SBF2: variants seen among roughly 807,000 people sequenced by gnomAD.
SBF2 encodes myotubularin-related protein 13.
SBF2 carries 112 observed loss-of-function variants against 225.2 expected under a neutral mutation model. The observed-to-expected ratio is 0.50, with a 90% CI of 0.43 to 0.58. The LOEUF is 0.58. Among genes scored for constraint, SBF2 ranks in the 20% least tolerant of loss-of-function variants. The pLI is 0.00. For synonymous variants in SBF2, 763 were observed against 773.3 expected, an observed-to-expected ratio of 0.99 and a Z score of 0.22; for missense variants, 1,996 against 2,206.2, an observed-to-expected ratio of 0.90 and a Z score of 1.91.
At chr11:10,146,877 T>A (rs1377189918) in intron 2 of SBF2, among the ~76,000 whole-genome samples, 1 of 151,352 alleles carries the variant, frequency 6.6e-6, no homozygotes, top group Non-Finnish European at 1.5e-5. Context: ...CAAGAAAAAA[T>A]AACCCCATTA....
intron 2 of SBF2, among the ~76,000 whole-genome samples, chr11:10,087,900 G>T (rs978818979): frequency 6.6e-6 from 1 of 152,038 alleles, no homozygotes; most frequent in Non-Finnish European, 1.5e-5. Context: ...TTTGATTCCT[G>T]GCTGCCAAAG....
intron 1 of SBF2, among the ~76,000 whole-genome samples, chr11:10,207,174 AG>A (rs1344385910): frequency 6.6e-6 from 1 of 152,154 alleles, no homozygotes; most frequent in African/African-American, 2.4e-5. Flanking sequence ...GAAGGACAGA[AG>A]AAAGCAGCAC....
intron 6 of SBF2, among the ~76,000 whole-genome samples, chr11:10,024,481 C>T (rs141877304): frequency 1.6e-4 from 25 of 152,288 alleles, no homozygotes; most frequent in African/African-American, 6.0e-4. Flanking sequence ...TCCCACTTCT[C>T]GCCAAGGTTG....
intron 2 of SBF2, among the ~76,000 whole-genome samples, chr11:10,076,860 T>C (rs1951139732): frequency 6.6e-6 from 1 of 152,210 alleles, no homozygotes; most frequent in Non-Finnish European, 1.5e-5. Context: ...TGCTTGGTGT[T>C]GGGGATGCCG....
chr11:10,093,067 AGGGCAG>A (rs1951849068), intron 2 of SBF2, among the ~76,000 whole-genome samples: 1 of 150,056 alleles, frequency 6.7e-6, no homozygotes, highest in East Asian at 1.9e-4. Context: ...CCCAGGCTGG[AGGGCAG>A]TGGCATGAAC....
intron 6 of SBF2, among the ~76,000 whole-genome samples, chr11:10,019,991 A>G (rs1156261856): frequency 1.3e-5 from 2 of 152,136 alleles, no homozygotes; most frequent in Non-Finnish European, 2.9e-5. Context: ...GTTATAGTAG[A>G]TATTCAGACA....
intron 17 of SBF2, among the ~76,000 whole-genome samples, chr11:9,883,480 G>A (rs1298780978): frequency 6.6e-6 from 1 of 152,284 alleles, no homozygotes; most frequent in Middle Eastern, 3.4e-3. Flanking sequence ...TAAGGGAATA[G>A]GTTCTGAAAT....
intron 6 of SBF2, among the ~76,000 whole-genome samples, chr11:10,009,264 T>A (rs1408443049): frequency 6.6e-6 from 1 of 152,198 alleles, no homozygotes; most frequent in African/African-American, 2.4e-5. Context: ...TTCTATATAT[T>A]TTTATTTATT....
chr11:10,295,143 T>G (rs1234216499), upstream of SBF2, among the ~76,000 whole-genome samples: 6 of 152,270 alleles, frequency 3.9e-5, no homozygotes, highest in Admixed American at 3.9e-4. Flanking sequence ...ACCAAAGTTT[T>G]GGAAATCTCC....
At chr11:10,248,476 A>T (rs778020791) in intron 1 of SBF2, among the ~76,000 whole-genome samples, 7 of 152,202 alleles carry the variant, frequency 4.6e-5, no homozygotes, top group Non-Finnish European at 7.3e-5. Context: ...GAGATGCTGG[A>T]AAGAGTCAGA....
chr11:10,290,193 A>T (rs183052164), intron 1 of SBF2, among the ~76,000 whole-genome samples: 7 of 152,128 alleles, frequency 4.6e-5, no homozygotes, highest in African/African-American at 1.7e-4. Flanking sequence ...TTGTCATGGT[A>T]CCCCTGGGGT....
chr11:9,949,935 TG>T (rs1865764337), intron 16 of SBF2, among the ~76,000 whole-genome samples: 1 of 152,116 alleles, frequency 6.6e-6, no homozygotes, highest in African/African-American at 2.4e-5. Context: ...ATATCCACAA[TG>T]TATACATACT....
At chr11:10,025,702 C>T (rs898418165) in intron 6 of SBF2, among the ~76,000 whole-genome samples, 5 of 152,100 alleles carry the variant, frequency 3.3e-5, no homozygotes, top group African/African-American at 9.7e-5. Flanking sequence ...CGGGTTCAAG[C>T]GATTCTCATG....
intron 21 of SBF2, 71 bp downstream of exon 21, chr11:9,852,605 G>T: frequency 9.1e-7 from 1 of 1,098,798 alleles, no homozygotes; most frequent in Non-Finnish European, 1.4e-6. Flanking sequence ...ATCCTTTCCT[G>T]GCACACAGCA....
At chr11:9,915,011 T>C (rs1862956208) in intron 16 of SBF2, among the ~76,000 whole-genome samples, 1 of 152,060 alleles carries the variant, frequency 6.6e-6, no homozygotes, top group Non-Finnish European at 1.5e-5. Flanking sequence ...AAATAAAGTC[T>C]ATTAAAAAGA....
At chr11:10,071,476 C>T (rs1950874377) in intron 2 of SBF2, among the ~76,000 whole-genome samples, 1 of 152,052 alleles carries the variant, frequency 6.6e-6, no homozygotes, top group Non-Finnish European at 1.5e-5. Context: ...CCATGTTAGC[C>T]AGGATGGTCT....
At chr11:9,807,807 G>A in intron 32 of SBF2, 193 bp downstream of exon 32, 1 of 633,780 alleles carries the variant, frequency 1.6e-6, no homozygotes, top group South Asian at 1.8e-5. Context: ...AGCTGTCCTA[G>A]TTTCAGAAAC....
chr11:10,142,713 G>A (rs1954703095), intron 2 of SBF2, among the ~76,000 whole-genome samples: 1 of 152,160 alleles, frequency 6.6e-6, no homozygotes. Context: ...TCTGATATGT[G>A]AATATCATAA....
chr11:10,133,596 C>G (rs1178659792), intron 2 of SBF2, among the ~76,000 whole-genome samples: 1 of 141,672 alleles, frequency 7.1e-6, no homozygotes, highest in Non-Finnish European at 1.6e-5. Context: ...CTGGCTGCTC[C>G]GAGTGCGGGG....
Sources: gnomAD v4.1 joint callset for allele counts (sites outside exome capture counted in the v4.1 genomes callset) on GRCh38, gnomAD v4.1.1 for gene constraint, MANE v1.5 for transcripts, NCBI Gene and HGNC (gene_info 2026-07-23, HGNC 2026-07-21) for gene names.